Variants in MTHFS observed in about 807,000 individuals in gnomAD.
The protein encoded by MTHFS is 5-formyltetrahydrofolate cyclo-ligase.
MTHFS carries 7 observed loss-of-function variants against 12.7 expected under a neutral mutation model. The ratio of observed to expected loss-of-function variants is 0.55; its 90% CI spans 0.31 to 1.03. MTHFS has a LOEUF of 1.03. MTHFS is among the 50% of genes least tolerant of loss of function. The probability of loss-of-function intolerance (pLI) is 0.05; values close to 1 mark genes in which losing one functional copy is unlikely to be tolerated. For missense variants in MTHFS, 252 were observed against 258.1 expected, an observed-to-expected ratio of 0.98 and a Z score of 0.16; for synonymous variants, 100 against 97.1, an observed-to-expected ratio of 1.03 and a Z score of -0.18.
chr15:79,896,659 C>G (rs2141384490), intron 1 of MTHFS: 1 of 858,250 alleles, frequency 1.2e-6, no homozygotes, highest in East Asian at 3.3e-5. Context: ...CCACAACTTT[C>G]ACTACCGGGC....
Position 79,844,362 on chromosome 15 carries a change from G to A in MTHFS, c.*848C>T, listed in dbSNP as rs1032769751. On this transcript the variant is annotated 3_prime_UTR_variant, in exon 3 of 3. Transcript: ENST00000258874. ...GAGAATAGATTTAAGAGGCATTTCAGAGGCAAAATCAACAAGACCTGGTGA... is the reference window on the plus strand; with the variant it reads ...GAGAATAGATTTAAGAGGCATTTCAAAGGCAAAATCAACAAGACCTGGTGA... 1 of 152,326 alleles carries A rather than the reference G, an allele frequency of 6.6e-6. No individual in the cohort carries two copies. Among genetic ancestry groups the A allele is most frequent in the African/African-American group, 2.4e-5 (1 of 41,440 alleles). 9.4% of individuals were successfully genotyped at this position (152,326 alleles called of 1,614,324 possible).
chr15:79,870,361 C>CA (rs1163480239), intron 2 of MTHFS, among the ~76,000 whole-genome samples: 1 of 152,152 alleles, frequency 6.6e-6, no homozygotes, highest in Non-Finnish European at 1.5e-5. Flanking sequence ...GAGCTGCTGT[C>CA]AAAGATTCCA....
intron 2 of MTHFS, among the ~76,000 whole-genome samples, chr15:79,851,156 A>G (rs1408277257): frequency 6.6e-6 from 1 of 152,122 alleles, no homozygotes; most frequent in Non-Finnish European, 1.5e-5. Flanking sequence ...CTTTTTGTTA[A>G]CTTATTTATC....
intron 2 of MTHFS, among the ~76,000 whole-genome samples, chr15:79,853,312 G>A (rs916529012): frequency 2.0e-5 from 3 of 152,014 alleles, no homozygotes; most frequent in Admixed American, 2.0e-4. Context: ...AAACATCAAG[G>A]ACAAGAGCCT....
At chr15:79,847,180 G>T (rs2033633650) in intron 2 of MTHFS, among the ~76,000 whole-genome samples, 1 of 152,144 alleles carries the variant, frequency 6.6e-6, no homozygotes, top group African/African-American at 2.4e-5. Flanking sequence ...GTATCTTTCA[G>T]AAACCAAAAG....
chr15:79,858,329 G>A (rs2033848590), intron 2 of MTHFS, among the ~76,000 whole-genome samples: 1 of 152,194 alleles, frequency 6.6e-6, no homozygotes, highest in South Asian at 2.1e-4. Flanking sequence ...ACAAAGGAAG[G>A]AAGTTGTATT....
At position 79,894,101 on chromosome 15, in the gene MTHFS, C is replaced by T. The variant is rs922130303; in HGVS notation, c.117+2771G>A. Among the ~76,000 whole-genome samples, 4 of 152,098 alleles carry T rather than the reference C, an allele frequency of 2.6e-5. No individual in the cohort carries two copies. The South Asian group carries it at 6.2e-4, about 24-fold the overall frequency. The stretch of plus-strand genomic sequence containing the variant: ...AAATAGAATAGAAAATATTAAAGTT[C>T]GAGCCAGGCACAGTGGCTCACGCCT... On this transcript the variant is annotated intron_variant, in intron 1 of 2. Coordinates refer to ENST00000258874, the MANE Select transcript of MTHFS (RefSeq NM_006441.4).
chr15:79,877,862 T>G (rs1357784200), intron 2 of MTHFS: 1 of 131,324 alleles, frequency 7.6e-6, no homozygotes, highest in Non-Finnish European at 1.7e-5. Context: ...TTGAACATGC[T>G]GAAAGGAAAA....
intron 2 of MTHFS, among the ~76,000 whole-genome samples, chr15:79,857,667 A>C (rs771651947): frequency 2.0e-5 from 3 of 152,170 alleles, no homozygotes; most frequent in Non-Finnish European, 4.4e-5. Context: ...TTTCACTGCA[A>C]CTAGCCTTGT....
At chr15:79,863,983 C>T (rs1250005828) in intron 2 of MTHFS, among the ~76,000 whole-genome samples, 1 of 152,206 alleles carries the variant, frequency 6.6e-6, no homozygotes, top group East Asian at 1.9e-4. Context: ...CACATGACGG[C>T]AGTAAGGAAA....
intron 2 of MTHFS, among the ~76,000 whole-genome samples, chr15:79,869,022 G>A (rs571402846): frequency 6.6e-6 from 1 of 152,058 alleles, no homozygotes; most frequent in Admixed American, 6.5e-5. Context: ...TAGCTTATTT[G>A]ATAATACATA....
At chr15:79,863,962 C>T (rs966833154) in intron 2 of MTHFS, among the ~76,000 whole-genome samples, 1 of 152,184 alleles carries the variant, frequency 6.6e-6, no homozygotes, top group Non-Finnish European at 1.5e-5. Context: ...TCCTTTTACT[C>T]GCCTCCACAG....
chr15:79,873,544 A>T (rs987982894), intron 2 of MTHFS, among the ~76,000 whole-genome samples: 3 of 151,966 alleles, frequency 2.0e-5, no homozygotes, highest in Admixed American at 1.3e-4. Flanking sequence ...AAATCAGTGA[A>T]AATCCTCTCT....
intron 2 of MTHFS, among the ~76,000 whole-genome samples, chr15:79,887,229 G>T (rs912881051): frequency 1.3e-5 from 2 of 150,982 alleles, no homozygotes; most frequent in Non-Finnish European, 3.0e-5. Flanking sequence ...TGTCTCAAAA[G>T]AAAAGAAAAA....
At chr15:79,867,580 G>GA (rs2034034438) in intron 2 of MTHFS, among the ~76,000 whole-genome samples, 1 of 145,536 alleles carries the variant, frequency 6.9e-6, no homozygotes, top group East Asian at 2.0e-4. Flanking sequence ...GTAGATAAAT[G>GA]AAAAAATAGA....
chr15:79,878,468 A>C (rs1444987406), intron 2 of MTHFS, among the ~76,000 whole-genome samples: 2 of 150,282 alleles, frequency 1.3e-5, no homozygotes, highest in Non-Finnish European at 1.5e-5. Flanking sequence ...ATAACTCAGG[A>C]TTACACATGA....
chr15:79,855,928 T>C (rs374695941), intron 2 of MTHFS, among the ~76,000 whole-genome samples: 5 of 152,340 alleles, frequency 3.3e-5, no homozygotes, highest in African/African-American at 9.6e-5. Flanking sequence ...TGATGGGCAT[T>C]TAGGCTGATT....
At chr15:79,846,123 C>A (rs1333955492) in intron 2 of MTHFS, among the ~76,000 whole-genome samples, 1 of 152,154 alleles carries the variant, frequency 6.6e-6, no homozygotes, top group Non-Finnish European at 1.5e-5. Context: ...AATGCTGGAG[C>A]TCAGGGTGGG....
chr15:79,894,765 A>G (rs2034537445), intron 1 of MTHFS, among the ~76,000 whole-genome samples: 1 of 151,340 alleles, frequency 6.6e-6, no homozygotes, highest in Non-Finnish European at 1.5e-5. Flanking sequence ...ATCACTGGTG[A>G]CTCTCCTCCC....
Sources: allele counts gnomAD v4.1 joint callset (sites outside exome capture counted in the v4.1 genomes callset), GRCh38; gene constraint gnomAD v4.1.1; transcripts MANE v1.5; gene names NCBI Gene and HGNC (gene_info 2026-07-23, HGNC 2026-07-21).